GPATCH2L: variants seen among roughly 807,000 people sequenced by gnomAD.
The protein encoded by GPATCH2L is G-patch domain containing 2 like.
GPATCH2L carries 31 observed loss-of-function variants against 57.4 expected under a neutral mutation model. That is an observed-to-expected ratio of 0.54 (90% CI 0.41 to 0.73). GPATCH2L has a LOEUF of 0.73. Ranked by LOEUF, GPATCH2L falls within the 30% of genes least tolerant of loss-of-function variation. GPATCH2L has a pLI of 0.00. For synonymous variants in GPATCH2L, 199 were observed against 210.7 expected, an observed-to-expected ratio of 0.94 and a Z score of 0.48; for missense variants, 481 against 599.9, an observed-to-expected ratio of 0.80 and a Z score of 2.07.
At position 76,203,911 on chromosome 14, in the gene GPATCH2L, G is replaced by A. The variant is rs775127442; in HGVS notation, c.*2060G>A. On this transcript the variant is annotated 3_prime_UTR_variant, in exon 10 of 10. Coordinates refer to ENST00000261530, the MANE Select transcript of GPATCH2L (RefSeq NM_017926.4). The stretch of plus-strand genomic sequence containing the variant: ...ATGCAGTGATTGGTCCCATGATCAT[G>A]GCCTATTAGTGAAAACCTCCAAAGG... The A allele has an allele frequency of 1.3e-5, 2 of 152,126 alleles. No homozygotes were observed. Among genetic ancestry groups the A allele is most frequent in the Non-Finnish European group, 2.9e-5 (2 of 68,026 alleles). The allele number at this position is 152,126 out of a possible 1,614,324, so 9.4% of individuals were successfully genotyped here.
chr14:76,155,701 A>G (rs1224242486), intron 2 of GPATCH2L, among the ~76,000 whole-genome samples: 1 of 152,306 alleles, frequency 6.6e-6, no homozygotes, highest in East Asian at 1.9e-4. Context: ...TTTATTTTTT[A>G]CATCTCAGAT....
At chr14:76,179,569 T>C (rs1380964177) in intron 7 of GPATCH2L, 4 of 152,228 alleles carry the variant, frequency 2.6e-5, no homozygotes, top group Non-Finnish European at 5.9e-5. Flanking sequence ...TTGCCCAAAG[T>C]GATACAGCTA....
At chr14:76,194,133 T>C (rs940585419) in intron 8 of GPATCH2L, among the ~76,000 whole-genome samples, 1 of 152,204 alleles carries the variant, frequency 6.6e-6, no homozygotes, top group Non-Finnish European at 1.5e-5. Context: ...TGTTAATTTA[T>C]TATTAAATCA....
At chr14:76,157,485 C>T (rs940195408) in intron 2 of GPATCH2L, among the ~76,000 whole-genome samples, 1 of 152,168 alleles carries the variant, frequency 6.6e-6, no homozygotes, top group African/African-American at 2.4e-5. Context: ...GAAATACTTT[C>T]AAGAATCTTC....
chr14:76,232,015 AAT>A (rs2040573065), intron 2 of GPATCH2L, among the ~76,000 whole-genome samples: 2 of 2,070 alleles, frequency 9.7e-4, no homozygotes, highest in African/African-American at 3.3e-3. Flanking sequence ...AGGCTCAAGC[AAT>A]CTTCCTGCTT....
At chr14:76,166,412 C>T (rs1203892409) in intron 2 of GPATCH2L, among the ~76,000 whole-genome samples, 1 of 152,098 alleles carries the variant, frequency 6.6e-6, no homozygotes, top group Non-Finnish European at 1.5e-5. Flanking sequence ...GCTTTCTAGT[C>T]CTAAACTAAC....
intron 2 of GPATCH2L, among the ~76,000 whole-genome samples, chr14:76,232,794 G>A (rs2040579290): frequency 6.6e-6 from 1 of 152,174 alleles, no homozygotes; most frequent in Non-Finnish European, 1.5e-5. Flanking sequence ...ATGTAACAAT[G>A]CACATGGAAT....
chr14:76,173,760 T>G, intron 5 of GPATCH2L, 135 bp downstream of exon 5: 1 of 652,948 alleles, frequency 1.5e-6, no homozygotes, highest in Non-Finnish European at 2.9e-6. Flanking sequence ...GTTGGGAGTT[T>G]ACAAGAGTGA....
downstream of GPATCH2L, among the ~76,000 whole-genome samples, chr14:76,217,845 C>T (rs982493807): frequency 6.6e-6 from 1 of 152,094 alleles, no homozygotes. Flanking sequence ...TTCACAGCAA[C>T]CTAATGAGTA....
rs1000276509 is a variant in GPATCH2L, at chr14:76,207,891, A to G, written c.*6040A>G. The G allele has an allele frequency of 2.6e-5, 4 of 152,194 alleles. No individual in the cohort carries two copies. Among genetic ancestry groups the G allele is most frequent in the African/African-American group, 9.7e-5 (4 of 41,450 alleles). The allele number at this position is 152,194 out of a possible 1,614,324, so 9.4% of individuals were successfully genotyped here. On this transcript the variant is annotated 3_prime_UTR_variant, in exon 10 of 10. Transcript: ENST00000261530. ...GGGCTGGGTCCTAACTGGTTGCCAG[A>G]GCCCAGAAATCCAAGTTCTGTCTTT... is the stretch of plus-strand genomic sequence containing the variant.
At chr14:76,195,079 G>T (rs896750028) in intron 8 of GPATCH2L, among the ~76,000 whole-genome samples, 2 of 152,130 alleles carry the variant, frequency 1.3e-5, no homozygotes, top group African/African-American at 4.8e-5. Flanking sequence ...GGAACACTTT[G>T]TGTAAAGGTG....
intron 9 of GPATCH2L, among the ~76,000 whole-genome samples, 151 bp from the exon 10 acceptor site, chr14:76,201,536 GAAGA>G (rs1414880691): frequency 6.6e-6 from 1 of 152,154 alleles, no homozygotes; most frequent in African/African-American, 2.4e-5. Context: ...TTTTTGTAGA[GAAGA>G]AAGAGATACC....
In GPATCH2L at chr14:76,202,088, C is replaced by T; in HGVS notation, c.*237C>T. On this transcript the variant is annotated 3_prime_UTR_variant, in exon 10 of 10. Transcript: ENST00000261530. ...TTTTTTACAAAAAGGTCATCCTCTG[C>T]TCTATTTGTTACCTTGTTATTGCTG... 2.6e-6 allele frequency: 1 copy of T among 388,958 alleles called. No homozygotes were observed. Among genetic ancestry groups the T allele is most frequent in the Non-Finnish European group, 4.6e-6 (1 of 217,836 alleles). The allele number at this position is 388,958 out of a possible 1,614,324, so 24.1% of individuals were successfully genotyped here. A position where few individuals can be genotyped will look rare whatever the true frequency, so the allele number is the denominator to read the frequency against.
chr14:76,218,289 T>C (rs1371330003), downstream of GPATCH2L, among the ~76,000 whole-genome samples: 1 of 152,110 alleles, frequency 6.6e-6, no homozygotes, highest in Non-Finnish European at 1.5e-5. Context: ...AAGATGATAC[T>C]GAGTTTTTTA....
intron 8 of GPATCH2L, among the ~76,000 whole-genome samples, chr14:76,183,664 A>G (rs1329839827): frequency 1.3e-5 from 2 of 152,178 alleles, no homozygotes; most frequent in Admixed American, 1.3e-4. Context: ...TGCAATTTTT[A>G]GAAAATGTGA....
Position 76,154,444 on chromosome 14 carries a change from G to C in GPATCH2L, c.81G>C (p.Glu27Asp), listed in dbSNP as rs765477449. Reference protein sequence around the residue: ...EQNKLGELWEEMALSPRQQRR... With the variant: ...EQNKLGELWEDMALSPRQQRR... ...ATAAGCTTGGTGAACTGTGGGAGGA[G>C]ATGGCGCTGAGCCCCCGACAGCAGA... Residue 27 changes from glutamate (E) to aspartate (D), a missense_variant, in exon 2 of 10, where the codon GAG (glutamate) becomes GAC (aspartate). This residue lies in a region of GPATCH2L where 208 missense variants were observed against 272.4 expected (regional missense o/e 0.76). Transcript: ENST00000261530. This position sits in a 1 kb window ranked among gnomAD's most constrained non-coding sequence, Gnocchi z 4.4. 1 of 1,614,180 alleles carries C rather than the reference G, an allele frequency of 6.2e-7. No individual in the cohort carries two copies. The highest frequency in any genetic ancestry group is 2.2e-5 in the East Asian group (1 of 44,878).
chr14:76,155,085 C>G, intron 2 of GPATCH2L, 60 bp downstream of exon 2: 2 of 1,400,440 alleles, frequency 1.4e-6, no homozygotes, highest in South Asian at 1.3e-5. Flanking sequence ...AAGTGCACAT[C>G]CATGGTCTTA....
intron 9 of GPATCH2L, among the ~76,000 whole-genome samples, chr14:76,197,484 G>T (rs2040192320): frequency 6.6e-6 from 1 of 152,088 alleles, no homozygotes. Context: ...CCCCTCCTGA[G>T]CCCAGCTCCT....
At chr14:76,176,253 C>T in intron 5 of GPATCH2L, 1 of 168,130 alleles carries the variant, frequency 5.9e-6, no homozygotes. Context: ...CTCTAGGAAG[C>T]TTGGTGTGTT....
Sources: allele counts gnomAD v4.1 joint callset (sites outside exome capture counted in the v4.1 genomes callset), GRCh38; gene constraint gnomAD v4.1.1; regional missense constraint gnomAD v4.1.1; non-coding constraint Gnocchi (gnomAD v3.1); transcripts MANE v1.5; gene names NCBI Gene and HGNC (gene_info 2026-07-23, HGNC 2026-07-21).